The following SEC11A variants were observed in gnomAD, a reference collection of about 807,000 sequenced individuals.
SEC11A encodes the protein SEC11 homolog A, signal peptidase complex subunit.
A neutral mutation model predicts 25.6 loss-of-function variants in SEC11A; 14 were observed. That is an observed-to-expected ratio of 0.55 (90% CI 0.36 to 0.85). The LOEUF is 0.85. Ranked by LOEUF, SEC11A falls within the 40% of genes least tolerant of loss-of-function variation. The pLI is 0.01. For synonymous variants in SEC11A, 83 were observed against 76.4 expected (o/e 1.09, Z -0.45); for missense variants, 153 against 222.9 (o/e 0.69, Z 2.00).
At chr15:84,715,609 C>T (rs1334142444) in intron 1 of SEC11A, among the ~76,000 whole-genome samples, 1 of 152,170 alleles carries the variant, frequency 6.6e-6, no homozygotes, top group East Asian at 1.9e-4. Context: ...GGCCTCCAAT[C>T]GCCTTCCTGA....
rs77384122 is a variant in SEC11A at position 84,705,349 on chromosome 15, T to C, written c.51+10676A>G. Among the ~76,000 whole-genome samples, 1,365 of 152,160 alleles carry C rather than the reference T, an allele frequency of 9.0e-3. 27 individuals are homozygous for C. Among genetic ancestry groups the C allele is most frequent in the African/African-American group, 0.031 (1,297 of 41,562 alleles). On this transcript the variant is annotated intron_variant, in intron 1 of 5. Transcript: ENST00000268220. ...GTCTTCTGCGTGACAGAAATGGCCTTTTCAGAATGCAGTTATGGCACCAGC... is the reference window on the plus strand; with the variant it reads ...GTCTTCTGCGTGACAGAAATGGCCTCTTCAGAATGCAGTTATGGCACCAGC...
intron 1 of SEC11A, among the ~76,000 whole-genome samples, chr15:84,706,839 C>T (rs1171576558): frequency 6.6e-6 from 1 of 152,142 alleles, no homozygotes; most frequent in Non-Finnish European, 1.5e-5. Flanking sequence ...AAGAAATCTG[C>T]CCAAGATTTG....
intron 4 of SEC11A, among the ~76,000 whole-genome samples, chr15:84,676,934 TA>T (rs928639622): frequency 6.6e-6 from 1 of 151,622 alleles, no homozygotes; most frequent in Non-Finnish European, 1.5e-5. Context: ...CTACAAAAAT[TA>T]AAAAAATTAG....
At chr15:84,674,049 AGT>A (rs1446897276) in intron 4 of SEC11A, among the ~76,000 whole-genome samples, 2 of 152,152 alleles carry the variant, frequency 1.3e-5, no homozygotes, top group Non-Finnish European at 2.9e-5. Flanking sequence ...GTACAATTTT[AGT>A]GTGAGATGCA....
At position 84,696,801 on chromosome 15, in the gene SEC11A, GA is replaced by G. The variant is rs1186006898; in HGVS notation, c.52-5158del. ...CACAGTTCACGTCTATTTTGTTGGG[GA>G]AAAAAAATTTCCATTTTCAAAAGGG... On this transcript the variant is annotated intron_variant, in intron 1 of 5. Coordinates refer to ENST00000268220, the MANE Select transcript of SEC11A (RefSeq NM_014300.4). Among the ~76,000 whole-genome samples the G allele has an allele frequency of 1.6e-4, 25 of 151,920 alleles. 2 individuals carry two copies. The South Asian group carries it at 3.9e-3, about 24-fold the overall frequency.
At chr15:84,705,653 G>A (rs1898071867) in intron 1 of SEC11A, among the ~76,000 whole-genome samples, 1 of 151,906 alleles carries the variant, frequency 6.6e-6, no homozygotes, top group Admixed American at 6.6e-5. Context: ...TCATGAGTTC[G>A]AGACTAGCCT....
At chr15:84,670,655 C>T in intron 5 of SEC11A, 70 bp downstream of exon 5, 3 of 758,998 alleles carry the variant, frequency 4.0e-6, no homozygotes, top group Middle Eastern at 6.5e-4. Context: ...GCTGGGATTA[C>T]AGGCTTGAGC....
intron 5 of SEC11A, 116 bp downstream of exon 5, chr15:84,670,609 G>A: frequency 1.8e-6 from 1 of 556,536 alleles, no homozygotes; most frequent in Non-Finnish European, 3.2e-6. Context: ...TGAACTCCTG[G>A]GCTCAAGCGA....
At chr15:84,714,108 A>G (rs151324957) in intron 1 of SEC11A, among the ~76,000 whole-genome samples, 1,568 of 128,180 alleles carry the variant, frequency 0.012, 17 homozygotes, top group Non-Finnish European at 0.018. Flanking sequence ...TGCAATCTCC[A>G]CCTCCCAGGC....
intron 1 of SEC11A, chr15:84,692,016 TTC>T (rs1355974926): frequency 9.8e-6 from 1 of 101,898 alleles, no homozygotes; most frequent in Non-Finnish European, 1.9e-5. Flanking sequence ...CTATTACTTT[TTC>T]TTTTTCTTTT....
intron 1 of SEC11A, among the ~76,000 whole-genome samples, chr15:84,711,451 C>A (rs1281216171): frequency 1.3e-5 from 2 of 151,262 alleles, no homozygotes; most frequent in African/African-American, 4.9e-5. Flanking sequence ...TGTGCTGGAA[C>A]AAGCTTCCTA....
chr15:84,683,561 A>AT lies in SEC11A; in HGVS notation c.312-2730dup, dbSNP rs34537315. 2.2e-3 allele frequency among the ~76,000 whole-genome samples: 329 copies of AT among 146,436 alleles called. 1 individual carries two copies. The highest frequency in any genetic ancestry group is 7.2e-3 in the Middle Eastern group (2 of 278). On this transcript the variant is annotated intron_variant, in intron 3 of 5. Coordinates refer to ENST00000268220, the MANE Select transcript of SEC11A (RefSeq NM_014300.4). ...GTGGCAACCGGCTCTTATTAGACCT[A>AT]TTTTTTTTTTTTGAGACGGAGTTTC...
chr15:84,694,985 G>T (rs1470135524), intron 1 of SEC11A, among the ~76,000 whole-genome samples: 1 of 151,150 alleles, frequency 6.6e-6, no homozygotes, highest in Non-Finnish European at 1.5e-5. Flanking sequence ...AGCTACTCGG[G>T]AGGCTGAGGC....
chr15:84,681,937 G>C (rs1040405962), intron 3 of SEC11A, among the ~76,000 whole-genome samples: 3 of 152,188 alleles, frequency 2.0e-5, no homozygotes, highest in Non-Finnish European at 4.4e-5. Flanking sequence ...AAGCATGATG[G>C]TGTGCGCCTG....
intron 3 of SEC11A, among the ~76,000 whole-genome samples, chr15:84,684,253 T>A (rs766120394): frequency 2.0e-5 from 3 of 152,240 alleles, no homozygotes; most frequent in Non-Finnish European, 4.4e-5. Context: ...GTAGTTCCCA[T>A]AATTACCACA....
intron 1 of SEC11A, chr15:84,714,870 G>GTACTCTCT (rs1898408131): frequency 6.6e-6 from 1 of 152,064 alleles, no homozygotes; most frequent in African/African-American, 2.4e-5. Flanking sequence ...ATTGTACCTA[G>GTACTCTCT]CATAGAGTAC....
At chr15:84,704,758 T>A (rs72750893) in intron 1 of SEC11A, among the ~76,000 whole-genome samples, 173 of 152,290 alleles carry the variant, frequency 1.1e-3, no homozygotes, top group Non-Finnish European at 2.1e-3. Context: ...GGTATTGCCA[T>A]GATAGGTTGC....
intron 1 of SEC11A, among the ~76,000 whole-genome samples, chr15:84,701,016 T>G (rs1408182494): frequency 7.4e-6 from 1 of 134,264 alleles, no homozygotes; most frequent in Non-Finnish European, 1.6e-5. Context: ...ATCCAAGACC[T>G]AAATCAAACT....
intron 1 of SEC11A, among the ~76,000 whole-genome samples, chr15:84,703,558 A>G (rs1183475799): frequency 1.3e-5 from 2 of 152,210 alleles, no homozygotes; most frequent in African/African-American, 4.8e-5. Flanking sequence ...AGACAGCTAT[A>G]GCATTACAAT....
Sources: gnomAD v4.1 joint callset for allele counts (sites outside exome capture counted in the v4.1 genomes callset) on GRCh38, gnomAD v4.1.1 for gene constraint, MANE v1.5 for transcripts, NCBI Gene and HGNC (gene_info 2026-07-23, HGNC 2026-07-21) for gene names.